NBAS: variants seen among roughly 807,000 people sequenced by gnomAD.
The protein encoded by NBAS is NAG/BC035112 fusion.
NBAS carries 219 observed loss-of-function variants against 302.5 expected under a neutral mutation model. The ratio of observed to expected loss-of-function variants is 0.72; its 90% CI spans 0.65 to 0.81. The LOEUF (loss-of-function observed/expected upper bound fraction) is 0.81. Ranked by LOEUF, NBAS falls within the 30% of genes least tolerant of loss-of-function variation. The pLI, the probability that NBAS is intolerant of heterozygous loss-of-function variation, is 0.00. For missense variants in NBAS, 2,932 were observed against 2,841.6 expected (o/e 1.03, Z -0.72); for synonymous variants, 1,118 against 1,021.6 (o/e 1.09, Z -1.80).
the NBAS span, among the ~76,000 whole-genome samples, chr2:14,898,926 G>A: frequency 3.9e-5 from 6 of 152,244 alleles, no homozygotes; most frequent in Non-Finnish European, 4.4e-5. Flanking sequence ...TTGTGTCTAC[G>A]TTTCTGTAGT....
the NBAS span, among the ~76,000 whole-genome samples, chr2:14,818,994 G>A: frequency 6.6e-6 from 1 of 152,170 alleles, no homozygotes; most frequent in South Asian, 2.1e-4. Context: ...CTCCTCTACA[G>A]AGTCTTCCCT....
chr2:15,436,417 G>A (rs1315004003), intron 21 of NBAS, among the ~76,000 whole-genome samples: 1 of 152,070 alleles, frequency 6.6e-6, no homozygotes, highest in African/African-American at 2.4e-5. Context: ...CAAGCTTCCT[G>A]AAATGAATCA....
intron 29 of NBAS, among the ~76,000 whole-genome samples, chr2:15,382,793 G>T (rs1675105030): frequency 6.6e-6 from 1 of 152,176 alleles, no homozygotes; most frequent in Admixed American, 6.5e-5. Flanking sequence ...GTCATGAAAA[G>T]ATTTGTTTTA....
chr2:15,143,948 C>T, the NBAS span, among the ~76,000 whole-genome samples: 18 of 150,646 alleles, frequency 1.2e-4, no homozygotes, highest in Admixed American at 6.6e-4. Context: ...TTTTGGAACT[C>T]GGACGGGCTC....
At chr2:15,529,566 C>T (rs1663118998) in intron 9 of NBAS, among the ~76,000 whole-genome samples, 1 of 152,124 alleles carries the variant, frequency 6.6e-6, no homozygotes, top group African/African-American at 2.4e-5. Flanking sequence ...AGAAACCTCA[C>T]TTAAACAATA....
the NBAS span, among the ~76,000 whole-genome samples, chr2:15,034,248 GAAA>G: frequency 9.8e-5 from 9 of 91,662 alleles, no homozygotes; most frequent in Middle Eastern, 4.4e-3. Flanking sequence ...AAGAAAGAAA[GAAA>G]GAAAGAAAGA....
the NBAS span, among the ~76,000 whole-genome samples, chr2:14,835,227 C>T: frequency 6.6e-6 from 1 of 151,846 alleles, no homozygotes; most frequent in African/African-American, 2.4e-5. Flanking sequence ...GCCAATGGAA[C>T]TATCAGTAGA....
intron 21 of NBAS, among the ~76,000 whole-genome samples, chr2:15,435,254 GCA>G (rs1677954508): frequency 1.3e-5 from 2 of 152,126 alleles, no homozygotes; most frequent in Admixed American, 1.3e-4. Context: ...TACCAAAAAA[GCA>G]CAGATTATGC....
At chr2:15,133,325 G>C in the NBAS span, among the ~76,000 whole-genome samples, 9 of 151,822 alleles carry the variant, frequency 5.9e-5, no homozygotes, top group Admixed American at 3.3e-4. Context: ...CATAGCGGGG[G>C]GGGGGCAGGG....
intron 38 of NBAS, among the ~76,000 whole-genome samples, chr2:15,313,208 G>A (rs1429107767): frequency 2.0e-5 from 3 of 152,158 alleles, no homozygotes; most frequent in African/African-American, 4.8e-5. Flanking sequence ...AAATCAGTCT[G>A]CTATCCAAAC....
chr2:15,190,441 G>T, intron 48 of NBAS, 38 bp from the exon 49 acceptor site: 1 of 1,612,254 alleles, frequency 6.2e-7, no homozygotes, highest in Non-Finnish European at 8.5e-7. Context: ...TGGTGGCAAA[G>T]GCTACTGAAT....
chr2:15,461,837 A>C, intron 19 of NBAS, 46 bp from the exon 20 acceptor site: 1 of 1,046,078 alleles, frequency 9.6e-7, no homozygotes, highest in Non-Finnish European at 1.5e-6. Context: ...AAGGCTTTTA[A>C]ATATGGGTGA....
chr2:15,536,912 T>C (rs777814219), intron 7 of NBAS, among the ~76,000 whole-genome samples: 3 of 152,238 alleles, frequency 2.0e-5, no homozygotes, highest in Non-Finnish European at 2.9e-5. Flanking sequence ...AGCTTCCAAA[T>C]GTTAATTTCC....
At chr2:14,808,831 G>C in the NBAS span, among the ~76,000 whole-genome samples, 3 of 152,158 alleles carry the variant, frequency 2.0e-5, no homozygotes, top group Non-Finnish European at 4.4e-5. Context: ...TTGTTGAGTG[G>C]CTTTGAGCAA....
intron 35 of NBAS, among the ~76,000 whole-genome samples, chr2:15,344,645 C>G (rs949618440): frequency 2.6e-5 from 4 of 152,156 alleles, no homozygotes; most frequent in African/African-American, 9.7e-5. Context: ...GGAGGGACTC[C>G]TCCCTAACTC....
the NBAS span, among the ~76,000 whole-genome samples, chr2:14,879,513 G>GTA: frequency 6.6e-6 from 1 of 151,990 alleles, no homozygotes; most frequent in East Asian, 1.9e-4. Flanking sequence ...ATAATTTTGT[G>GTA]TATATATATC....
the NBAS span, among the ~76,000 whole-genome samples, chr2:14,950,013 A>C: frequency 6.6e-6 from 1 of 152,178 alleles, no homozygotes; most frequent in Non-Finnish European, 1.5e-5. Flanking sequence ...ACAGTAATCT[A>C]TTGTACATAC....
chr2:14,868,120 A>G, the NBAS span, among the ~76,000 whole-genome samples: 1 of 152,192 alleles, frequency 6.6e-6, no homozygotes, highest in African/African-American at 2.4e-5. Flanking sequence ...ACAATCAATG[A>G]GACTGAAGGT....
chr2:15,304,153 T>C (rs933564265), intron 40 of NBAS, among the ~76,000 whole-genome samples: 1 of 152,164 alleles, frequency 6.6e-6, no homozygotes, highest in Non-Finnish European at 1.5e-5. Context: ...AAAGACCAGA[T>C]GAAGATAACT....
Sources: gnomAD v4.1 joint callset for allele counts (sites outside exome capture counted in the v4.1 genomes callset) on GRCh38, gnomAD v4.1.1 for gene constraint, MANE v1.5 for transcripts, NCBI Gene and HGNC (gene_info 2026-07-23, HGNC 2026-07-21) for gene names.